Variants in DCC observed in about 807,000 individuals in gnomAD.
DCC encodes netrin receptor DCC.
A neutral mutation model predicts 172.5 loss-of-function variants in DCC; 58 were observed. The observed-to-expected ratio is 0.34, with a 90% CI of 0.27 to 0.42. The LOEUF is 0.42. Ranked by LOEUF, DCC falls within the 10% of genes least tolerant of loss-of-function variation. The probability of loss-of-function intolerance (pLI) is 1.00; values close to 1 mark genes in which losing one functional copy is unlikely to be tolerated. For synonymous variants in DCC, 709 were observed against 644.5 expected (o/e 1.10, Z -1.52); for missense variants, 1,740 against 1,791.0 (o/e 0.97, Z 0.51).
At chr18:53,474,766 G>A (rs2045741528) in intron 25 of DCC, among the ~76,000 whole-genome samples, 1 of 152,186 alleles carries the variant, frequency 6.6e-6, no homozygotes, top group Admixed American at 6.5e-5. Context: ...TTCTGGGAGT[G>A]GGGCATTGCT....
intron 1 of DCC, among the ~76,000 whole-genome samples, chr18:52,350,856 C>T (rs1984088728): frequency 6.6e-6 from 1 of 152,036 alleles, no homozygotes; most frequent in Admixed American, 6.6e-5. Context: ...ATCTGGTGGC[C>T]TGTTGCTGTA....
chr18:53,142,139 G>T (rs2043840234), intron 7 of DCC, among the ~76,000 whole-genome samples: 1 of 152,218 alleles, frequency 6.6e-6, no homozygotes, highest in Admixed American at 6.5e-5. Context: ...CAGGAATGTA[G>T]TTGAAATCCA....
intron 9 of DCC, among the ~76,000 whole-genome samples, chr18:53,191,782 C>T (rs1170679023): frequency 2.6e-5 from 4 of 152,164 alleles, no homozygotes; most frequent in Admixed American, 2.6e-4. Context: ...ATGATAACAG[C>T]TCTTGAGCAT....
intron 3 of DCC, among the ~76,000 whole-genome samples, chr18:52,916,649 T>G (rs2040045420): frequency 6.6e-6 from 1 of 152,164 alleles, no homozygotes; most frequent in South Asian, 2.1e-4. Context: ...ACAAAACGTT[T>G]ATAAATATGG....
chr18:52,511,636 C>T (rs1376075687), intron 1 of DCC, among the ~76,000 whole-genome samples: 3 of 152,200 alleles, frequency 2.0e-5, no homozygotes, highest in East Asian at 3.9e-4. Context: ...AAGACAGCCC[C>T]CATAATAAAC....
Position 52,395,056 on chromosome 18 carries a change from A to G in DCC, c.91+54178A>G, listed in dbSNP as rs183738306. ...GGAAAAACAGTACCCTGTAACATCTATCAACTGTACAAGCCAAAGCTACTG... is the reference window on the plus strand; with the variant it reads ...GGAAAAACAGTACCCTGTAACATCTGTCAACTGTACAAGCCAAAGCTACTG... On this transcript the variant is annotated intron_variant, in intron 1 of 28. Coordinates refer to ENST00000442544, the MANE Select transcript of DCC (RefSeq NM_005215.4). 1.1e-3 allele frequency among the ~76,000 whole-genome samples: 169 copies of G among 152,170 alleles called. 1 individual carries two copies. The South Asian group carries it at 0.018, about 16-fold the overall frequency.
chr18:52,390,940 C>T (rs1053535682), intron 1 of DCC, among the ~76,000 whole-genome samples: 1 of 151,962 alleles, frequency 6.6e-6, no homozygotes, highest in Non-Finnish European at 1.5e-5. Context: ...GAAGTTTGTC[C>T]CCTCCATTAC....
At chr18:52,871,055 T>C (rs2039311159) in intron 2 of DCC, among the ~76,000 whole-genome samples, 1 of 152,088 alleles carries the variant, frequency 6.6e-6, no homozygotes, top group South Asian at 2.1e-4. Context: ...ACAACAAAGG[T>C]TGACATGACA....
At chr18:53,294,508 A>G (rs938291547) in intron 12 of DCC, among the ~76,000 whole-genome samples, 1 of 152,210 alleles carries the variant, frequency 6.6e-6, no homozygotes, top group African/African-American at 2.4e-5. Flanking sequence ...AAATCAGGTA[A>G]CATGCCTAAG....
At chr18:53,511,785 T>C (rs1363514005) in intron 27 of DCC, among the ~76,000 whole-genome samples, 1 of 151,970 alleles carries the variant, frequency 6.6e-6, no homozygotes, top group South Asian at 2.1e-4. Context: ...TGAGAGTATA[T>C]CCTGCACCTG....
chr18:53,023,414 A>C lies in DCC; in HGVS notation c.986-39891A>C, dbSNP rs76594270. On this transcript the variant is annotated intron_variant, in intron 5 of 28. Coordinates refer to ENST00000442544, the MANE Select transcript of DCC (RefSeq NM_005215.4). ...TATAACTCAGACCAAAAAAAAAAAA[A>C]AAAAAAAAAAAAAAAGATTCTTCTT... 3.8e-3 allele frequency among the ~76,000 whole-genome samples: 564 copies of C among 147,286 alleles called. 15 individuals carry two copies. Among genetic ancestry groups the C allele is most frequent in the African/African-American group, 0.013 (518 of 40,464 alleles).
At chr18:52,984,218 G>A (rs2041256887) in intron 5 of DCC, among the ~76,000 whole-genome samples, 1 of 151,938 alleles carries the variant, frequency 6.6e-6, no homozygotes, top group African/African-American at 2.4e-5. Flanking sequence ...TGTAATTTGA[G>A]CTATTTTATA....
Position 52,425,406 on chromosome 18 carries a change from A to C in DCC, c.91+84528A>C, listed in dbSNP as rs1787729. Reference sequence around the variant, plus strand: ...CTGGTTCCCTACCTAAACCAGAGCCATTGCTCAAATTGCAGAGTTTCAGTT... The same window carrying C: ...CTGGTTCCCTACCTAAACCAGAGCCCTTGCTCAAATTGCAGAGTTTCAGTT... On this transcript the variant is annotated intron_variant, in intron 1 of 28. Coordinates refer to ENST00000442544, the MANE Select transcript of DCC (RefSeq NM_005215.4). 6.3e-3 allele frequency among the ~76,000 whole-genome samples: 955 copies of C among 151,998 alleles called. 7 individuals carry two copies. Among genetic ancestry groups the C allele is most frequent in the Non-Finnish European group, 9.4e-3 (640 of 67,958 alleles).
chr18:53,130,842 C>T (rs550179784), intron 7 of DCC, among the ~76,000 whole-genome samples: 1 of 152,002 alleles, frequency 6.6e-6, no homozygotes, highest in African/African-American at 2.4e-5. Flanking sequence ...TTCTACTTTC[C>T]TGAAATGTAT....
intron 27 of DCC, among the ~76,000 whole-genome samples, chr18:53,515,037 GC>G (rs762543939): frequency 2.3e-3 from 344 of 152,000 alleles, no homozygotes; most frequent in Non-Finnish European, 4.2e-3. Flanking sequence ...GAACATTGAT[GC>G]AAAAATCCTC....
At chr18:52,973,086 T>C (rs928502757) in intron 5 of DCC, among the ~76,000 whole-genome samples, 1 of 152,210 alleles carries the variant, frequency 6.6e-6, no homozygotes, top group Non-Finnish European at 1.5e-5. Context: ...TAGAACCTAG[T>C]AGATATTCAA....
chr18:53,432,014 G>A (rs1442766836), intron 21 of DCC, among the ~76,000 whole-genome samples: 2 of 151,824 alleles, frequency 1.3e-5, no homozygotes, highest in African/African-American at 4.8e-5. Context: ...AGTATGATAT[G>A]CAAAAAAGTA....
At chr18:52,917,484 T>G (rs1178633225) in intron 3 of DCC, among the ~76,000 whole-genome samples, 2 of 152,192 alleles carry the variant, frequency 1.3e-5, no homozygotes, top group Non-Finnish European at 2.9e-5. Flanking sequence ...CCCAACAGTT[T>G]GGGATTCACT....
chr18:52,547,412 C>A (rs1164787827), intron 1 of DCC, among the ~76,000 whole-genome samples: 2 of 152,072 alleles, frequency 1.3e-5, no homozygotes, highest in Admixed American at 6.6e-5. Context: ...CATTCCACTC[C>A]CTCATTTATT....
Sources: gnomAD v4.1 joint callset for allele counts (sites outside exome capture counted in the v4.1 genomes callset) on GRCh38, gnomAD v4.1.1 for gene constraint, MANE v1.5 for transcripts, NCBI Gene and HGNC (gene_info 2026-07-23, HGNC 2026-07-21) for gene names.